Variants in HTRA2 observed in about 807,000 individuals in gnomAD.
HTRA2 encodes the protein HtrA serine peptidase 2, also known as serine protease HTRA2, mitochondrial.
In HTRA2, 24 loss-of-function variants were observed where a neutral mutation model predicts 42.2. The observed-to-expected ratio is 0.57, with a 90% CI of 0.41 to 0.80. The LOEUF is 0.80. Ranked by LOEUF, HTRA2 falls within the 30% of genes least tolerant of loss-of-function variation. HTRA2 has a pLI of 0.00. For missense variants in HTRA2, 466 were observed against 613.5 expected, an observed-to-expected ratio of 0.76 and a Z score of 2.54; for synonymous variants, 245 against 255.8, an observed-to-expected ratio of 0.96 and a Z score of 0.40.
At position 74,530,174 on chromosome 2, in the gene HTRA2, T is replaced by C; in HGVS notation, c.168T>C (p.Ser56=). ...PRARVTYGTP[S]LWARLSVGVT... ...CCCGAGTGACTTATGGGACCCCCAG[T>C]CTCTGGGCCCGGTTGTCTGTTGGGG... The change falls in exon 1 of 8, where the codon AGT becomes AGC. Residue 56 remains serine, a synonymous_variant. Transcript: ENST00000258080. The surrounding 1 kb of genome is among the most constrained non-coding windows in gnomAD (Gnocchi z 7.4). 6.2e-7 allele frequency: 1 copy of C among 1,612,202 alleles called. No homozygotes were observed. Among genetic ancestry groups the C allele is most frequent in the Non-Finnish European group, 8.5e-7 (1 of 1,179,444 alleles).
At position 74,531,850 on chromosome 2, in the gene HTRA2, T is replaced by A. The variant is rs763186469; in HGVS notation, c.1046-6T>A. The A allele has an allele frequency of 1.9e-6, 3 of 1,613,710 alleles. No individual in the cohort carries two copies. The African/African-American group carries it at 4.0e-5, about 22-fold the overall frequency. ...TGGGTGGGGCTCATTTGTCCCTCTG[T>A]CACAGATTCCTCCTCCGGAATCAGT... On this transcript the variant is annotated splice_region_variant and splice_polypyrimidine_tract_variant and intron_variant, in intron 5 of 7. Coordinates refer to ENST00000258080, the MANE Select transcript of HTRA2 (RefSeq NM_013247.5).
Position 74,530,955 on chromosome 2 carries a change from G to T in HTRA2, c.756G>T (p.Arg252=). The change falls in exon 3 of 8, where the codon CGG becomes CGT. Residue 252 remains arginine (R), a synonymous_variant. Coordinates refer to ENST00000258080, the MANE Select transcript of HTRA2 (RefSeq NM_013247.5). This position sits in a 1 kb window ranked among gnomAD's most constrained non-coding sequence, Gnocchi z 7.4. ...CTCTGGGACGCTCAGCTGATGTCCG[G>T]CAAGGGGAGTTTGTTGTTGCCATGG... The part of the protein sequence containing the change: ...TLPLGRSADV[R]QGEFVVAMGS... 1.2e-6 allele frequency: 2 copies of T among 1,614,228 alleles called. No homozygotes were observed. The highest frequency in any genetic ancestry group is 1.7e-6 in the Non-Finnish European group (2 of 1,180,042).
Position 74,532,970 on chromosome 2 carries a change from T to C in HTRA2, c.1362T>C (p.Pro454=), listed in dbSNP as rs1397034286. The C allele has an allele frequency of 6.2e-6, 10 of 1,613,290 alleles. No homozygotes were observed. The highest frequency in any genetic ancestry group is 7.6e-6 in the Non-Finnish European group (9 of 1,179,622). ...GRETLTLYVT[P]EVTE ...AAACACTGACCTTATATGTGACCCCTGAGGTCACAGAATGAATAGATCACC... is the reference window on the plus strand; with the variant it reads ...AAACACTGACCTTATATGTGACCCCCGAGGTCACAGAATGAATAGATCACC... Residue 454 remains proline, a synonymous_variant, in exon 8 of 8, where the codon CCT becomes CCC. Coordinates refer to ENST00000258080, the MANE Select transcript of HTRA2 (RefSeq NM_013247.5).
chr2:74,533,528 T>C, downstream of HTRA2: 1 of 1,344,742 alleles, frequency 7.4e-7, no homozygotes, highest in Non-Finnish European at 1.1e-6. Flanking sequence ...ATGGGTTTCT[T>C]GGTAAGCTCC....
intron 6 of HTRA2, 55 bp downstream of exon 6, chr2:74,531,980 C>T (rs1338262626): frequency 2.0e-6 from 3 of 1,500,942 alleles, no homozygotes; most frequent in East Asian, 2.3e-5. Context: ...CAGAGGGGGG[C>T]ACCTCTATTG....
downstream of HTRA2, chr2:74,533,403 A>G (rs959301496): frequency 1.7e-6 from 1 of 583,052 alleles, no homozygotes; most frequent in African/African-American, 1.9e-5. Context: ...GCCTGGGAGC[A>G]AAGATTCCCA....
chr2:74,530,027 G>A lies in HTRA2; in HGVS notation c.21G>A (p.Gly7=). ...AGCTGATGGCTGCGCCGAGGGCGGG[G>A]CGGGGTGCAGGCTGGAGCCTTCGGG... The part of the protein sequence containing the change: MAAPRA[G]RGAGWSLRAW... Residue 7 remains glycine, a synonymous_variant, in exon 1 of 8, where the codon GGG becomes GGA. Transcript: ENST00000258080. The surrounding 1 kb of genome is among the most constrained non-coding windows in gnomAD (Gnocchi z 7.4). 2 of 1,548,912 alleles carry A rather than the reference G, an allele frequency of 1.3e-6. No individual in the cohort carries two copies. The highest frequency in any genetic ancestry group is 8.8e-7 in the Non-Finnish European group (1 of 1,142,458).
At chr2:74,529,414 C>T (rs1675395560), upstream of HTRA2, 1 of 1,595,968 alleles carries the variant, frequency 6.3e-7, no homozygotes, top group African/African-American at 1.3e-5. Flanking sequence ...ACGTGGATCC[C>T]GAGAAAGAGG....
intron 6 of HTRA2, 52 bp downstream of exon 6, chr2:74,531,977 G>A (rs1274383732): frequency 3.3e-6 from 5 of 1,523,220 alleles, no homozygotes; most frequent in Non-Finnish European, 4.6e-6. Context: ...AATCAGAGGG[G>A]GGCACCTCTA....
chr2:74,530,162 T>C lies in HTRA2; in HGVS notation c.156T>C (p.Tyr52=), dbSNP rs758202643. The part of the protein sequence containing the change: ...GTSDPRARVT[Y]GTPSLWARLS... ...CTGACCCCCGGGCCCGAGTGACTTA[T>C]GGGACCCCCAGTCTCTGGGCCCGGT... is the stretch of plus-strand genomic sequence containing the variant. Residue 52 remains tyrosine, a synonymous_variant, in exon 1 of 8, where the codon TAT becomes TAC. Transcript: ENST00000258080. The surrounding 1 kb of genome is among the most constrained non-coding windows in gnomAD (Gnocchi z 7.4). 1 of 1,612,538 alleles carries C rather than the reference T, an allele frequency of 6.2e-7. No individual in the cohort carries two copies. Among genetic ancestry groups the C allele is most frequent in the South Asian group, 1.1e-5 (1 of 91,040 alleles).
In HTRA2 at chr2:74,530,948, A is replaced by C. The variant is rs1675548339; in HGVS notation, c.749A>C (p.Asp250Ala). 6.2e-7 allele frequency: 1 copy of C among 1,614,030 alleles called. No individual in the cohort carries two copies. The highest frequency in any genetic ancestry group is 1.1e-5 in the South Asian group (1 of 91,078). Residue 250 changes from aspartate (D) to alanine (A), a missense_variant, in exon 3 of 8, where the codon GAT (aspartate) becomes GCT (alanine). Asp to Ala is a moderately radical substitution (Grantham distance 126, BLOSUM62 -2). Transcript: ENST00000258080. The surrounding 1 kb of genome is among the most constrained non-coding windows in gnomAD (Gnocchi z 7.4). ...ACGCTGCCTCTGGGACGCTCAGCTG[A>C]TGTCCGGCAAGGGGAGTTTGTTGTT... is the stretch of plus-strand genomic sequence containing the variant. ...LPTLPLGRSA[D>A]VRQGEFVVAM...
upstream of HTRA2, chr2:74,529,883 G>C: frequency 7.0e-7 from 1 of 1,435,002 alleles, no homozygotes; most frequent in Non-Finnish European, 9.1e-7. Flanking sequence ...CGGAATCCTG[G>C]TCCCGGCGTG....
At position 74,532,769 on chromosome 2, in the gene HTRA2, T is replaced by C. The variant is rs781106359; in HGVS notation, c.1212-51T>C. 4.3e-6 allele frequency: 7 copies of C among 1,613,460 alleles called. No homozygotes were observed. The Admixed American group carries it at 1.2e-4, about 27-fold the overall frequency. On this transcript the variant is annotated intron_variant, in intron 7 of 7. Coordinates refer to ENST00000258080, the MANE Select transcript of HTRA2 (RefSeq NM_013247.5). Reference sequence around the variant, plus strand: ...GATGGGCAAGGTGTGCATGTGTCCTTGAACTAGGCTTTGTACTCCTTCCTT... The same window carrying C: ...GATGGGCAAGGTGTGCATGTGTCCTCGAACTAGGCTTTGTACTCCTTCCTT...
In HTRA2 at chr2:74,532,601, T is replaced by C; in HGVS notation, c.1116-18T>C. 1.2e-6 allele frequency: 2 copies of C among 1,608,808 alleles called. No individual in the cohort carries two copies. The highest frequency in any genetic ancestry group is 1.7e-6 in the Non-Finnish European group (2 of 1,176,198). ...GAATGCCTGGGTTTGGCTAATAGGG[T>C]GATCTGTGTACTTTCAGCATCCTTG... On this transcript the variant is annotated intron_variant, in intron 6 of 7. Coordinates refer to ENST00000258080, the MANE Select transcript of HTRA2 (RefSeq NM_013247.5).
chr2:74,529,848 G>C (rs1675452452), upstream of HTRA2: 3 of 1,418,652 alleles, frequency 2.1e-6, no homozygotes, highest in Non-Finnish European at 1.8e-6. Flanking sequence ...CCCGGCATTC[G>C]TGGGGCAGGG....
In HTRA2 at chr2:74,530,601, T is replaced by C; in HGVS notation, c.507-16T>C. 2 of 1,613,990 alleles carry C rather than the reference T, an allele frequency of 1.2e-6. No homozygotes were observed. Among genetic ancestry groups the C allele is most frequent in the Non-Finnish European group, 1.7e-6 (2 of 1,180,028 alleles). Reference sequence around the variant, plus strand: ...GGTCAGAGCCTCCTCTTATCTGTGCTTTCCCTCCATTTCAGGCACCCTTTC... The same window carrying C: ...GGTCAGAGCCTCCTCTTATCTGTGCCTTCCCTCCATTTCAGGCACCCTTTC... On this transcript the variant is annotated splice_polypyrimidine_tract_variant and intron_variant, in intron 1 of 7. Transcript: ENST00000258080. This position sits in a 1 kb window ranked among gnomAD's most constrained non-coding sequence, Gnocchi z 7.4.
rs1057243614 is a variant in HTRA2, at chr2:74,533,110, A to ACTG, written c.*126_*128dup. ...GGGGCAGGTCCCTCCAACCACCAGCACTGACTCCTGGGCTCTGAAGAATCA... is the reference window on the plus strand; with the variant it reads ...GGGGCAGGTCCCTCCAACCACCAGCACTGCTGACTCCTGGGCTCTGAAGAATCA... On this transcript the variant is annotated 3_prime_UTR_variant, in exon 8 of 8. Transcript: ENST00000258080. 81 of 802,656 alleles carry ACTG rather than the reference A, an allele frequency of 1.0e-4. No homozygotes were observed. In the African/African-American group the frequency reaches 1.2e-3, roughly 12 times the overall value. The allele number at this position is 802,656 out of a possible 1,614,324, so 49.7% of individuals were successfully genotyped here. A position where few individuals can be genotyped will look rare whatever the true frequency, so the allele number is the denominator to read the frequency against.
At position 74,530,227 on chromosome 2, in the gene HTRA2, C is replaced by T. The variant is rs770408628; in HGVS notation, c.221C>T (p.Ser74Phe). The change falls in exon 1 of 8, where the codon TCT (serine) becomes TTT (phenylalanine). Residue 74 changes from serine (S) to phenylalanine (F), a missense_variant. Ser to Phe is a radical substitution (Grantham distance 155). Around this residue, in one of 3 missense-constraint regions of HTRA2, gnomAD observed 222 missense variants for 205.1 expected, o/e 1.08. Coordinates refer to ENST00000258080, the MANE Select transcript of HTRA2 (RefSeq NM_013247.5). The surrounding 1 kb of genome is among the most constrained non-coding windows in gnomAD (Gnocchi z 7.4). Reference protein sequence around the residue: ...GVTEPRACLTSGTPGPRAQLT... With the variant: ...GVTEPRACLTFGTPGPRAQLT... Reference sequence around the variant, plus strand: ...ACTGAACCCCGAGCATGCCTGACGTCTGGGACCCCGGGTCCCCGGGCACAA... The same window carrying T: ...ACTGAACCCCGAGCATGCCTGACGTTTGGGACCCCGGGTCCCCGGGCACAA... 1 of 1,610,140 alleles carries T rather than the reference C, an allele frequency of 6.2e-7. No homozygotes were observed. The highest frequency in any genetic ancestry group is 2.2e-5 in the East Asian group (1 of 44,648).
rs142306682 is a variant in HTRA2 at position 74,530,947 on chromosome 2, G to A, written c.748G>A (p.Asp250Asn). Residue 250 changes from aspartate to asparagine, a missense_variant, in exon 3 of 8, where the codon GAT (aspartate) becomes AAT (asparagine). Physicochemically the swap from Asp to Asn is conservative, Grantham distance 23. Coordinates refer to ENST00000258080, the MANE Select transcript of HTRA2 (RefSeq NM_013247.5). The surrounding 1 kb of genome is among the most constrained non-coding windows in gnomAD (Gnocchi z 7.4). ...CACGCTGCCTCTGGGACGCTCAGCT[G>A]ATGTCCGGCAAGGGGAGTTTGTTGT... Reference protein sequence around the residue: ...LPTLPLGRSADVRQGEFVVAM... With the variant: ...LPTLPLGRSANVRQGEFVVAM... The A allele has an allele frequency of 1.9e-6, 3 of 1,614,230 alleles. 1 individual carries two copies. The highest frequency in any genetic ancestry group is 4.5e-5 in the East Asian group (2 of 44,890).
Sources: gnomAD v4.1 joint callset for allele counts on GRCh38, gnomAD v4.1.1 for gene constraint, gnomAD v4.1.1 regional missense constraint, Gnocchi (gnomAD v3.1) non-coding constraint, MANE v1.5 for transcripts, NCBI Gene and HGNC (gene_info 2026-07-23, HGNC 2026-07-21) for gene names.